Variants in TMEM255A observed in about 807,000 individuals in gnomAD.
The protein encoded by TMEM255A is transmembrane protein 255A.
TMEM255A carries 14 observed loss-of-function variants against 23.5 expected under a neutral mutation model. That is an observed-to-expected ratio of 0.60 (90% CI 0.39 to 0.93). TMEM255A has a LOEUF of 0.93. Ranked by LOEUF, TMEM255A falls within the 40% of genes least tolerant of loss-of-function variation. The pLI, the probability that TMEM255A is intolerant of heterozygous loss-of-function variation, is 0.00. For synonymous variants in TMEM255A, 104 were observed against 100.3 expected (o/e 1.04, Z -0.22); for missense variants, 233 against 261.7 (o/e 0.89, Z 0.76).
chrX:120,306,226 G>A (rs1556027043), intron 1 of TMEM255A, among the ~76,000 whole-genome samples: 1 of 111,021 alleles, frequency 9.0e-6, no homozygotes. Context: ...ATGCAAATGG[G>A]AGCTGACTAA....
At chrX:120,305,429 C>CAA (rs111534543) in intron 1 of TMEM255A, among the ~76,000 whole-genome samples, 6,893 of 89,367 alleles carry the variant, frequency 0.077, 241 homozygotes, top group East Asian at 0.14. Context: ...TAGGAGTTCT[C>CAA]AAAAAAAAAA....
chrX:120,302,130 C>G (rs1259436488), intron 2 of TMEM255A, among the ~76,000 whole-genome samples: 1 of 111,237 alleles, frequency 9.0e-6, no homozygotes, highest in Non-Finnish European at 1.9e-5. Flanking sequence ...ACCACTCACA[C>G]GCAAACACAC....
At chrX:120,298,731 C>A (rs1302344318) in intron 2 of TMEM255A, among the ~76,000 whole-genome samples, 1 of 111,357 alleles carries the variant, frequency 9.0e-6, no homozygotes, top group African/African-American at 3.3e-5. Context: ...CCAACAGATG[C>A]CACAAAGCAG....
At chrX:120,279,998 C>CTTTT (rs59428362) in intron 6 of TMEM255A, among the ~76,000 whole-genome samples, 281 of 38,154 alleles carry the variant, frequency 7.4e-3, no homozygotes, top group African/African-American at 0.011. Flanking sequence ...CCTTTTCTTT[C>CTTTT]TTTTTTTTTT....
downstream of TMEM255A, chrX:120,254,281 C>G (rs144035505): frequency 5.0e-6 from 6 of 1,210,427 alleles, no homozygotes; most frequent in Non-Finnish European, 6.7e-6. Flanking sequence ...ACACCACTTT[C>G]TACACCACCA....
In TMEM255A at chrX:120,259,262, AATC is replaced by A. The variant is rs2057659258; in HGVS notation, c.*1605_*1607del. On this transcript the variant is annotated 3_prime_UTR_variant, in exon 9 of 9. Transcript: ENST00000371369. Reference sequence around the variant, plus strand: ...TTTTAATATGCTCAGAACTGTAAAAAATCATAGTAATTTTGTATAACATAAAAG... The same window carrying A: ...TTTTAATATGCTCAGAACTGTAAAAAATAGTAATTTTGTATAACATAAAAG... 8.8e-6 allele frequency: 1 copy of A among 113,014 alleles called. No individual in the cohort carries two copies. The highest frequency in any genetic ancestry group is 3.6e-4 in the South Asian group (1 of 2,762). The allele number at this position is 113,014 out of a possible 1,213,427, so 9.3% of individuals were successfully genotyped here. A position where few individuals can be genotyped will look rare whatever the true frequency, so the allele number is the denominator to read the frequency against.
At chrX:120,253,408 T>G in the TMEM255A span, 4 of 1,198,142 alleles carry the variant, frequency 3.3e-6, no homozygotes, top group Admixed American at 4.4e-5. Context: ...TCTCTTTCTC[T>G]TAAAGGCATG....
the TMEM255A span, chrX:120,253,459 C>G: frequency 1.7e-6 from 2 of 1,211,944 alleles, no homozygotes; most frequent in Non-Finnish European, 2.2e-6. Context: ...ATTCAGTACT[C>G]TGGCAGTCTG....
intron 6 of TMEM255A, among the ~76,000 whole-genome samples, chrX:120,281,851 A>G (rs900537635): frequency 8.9e-6 from 1 of 112,149 alleles, no homozygotes; most frequent in Admixed American, 9.4e-5. Flanking sequence ...GCTGTGTCCT[A>G]GAGAAAGCCA....
At position 120,286,915 on chromosome X, in the gene TMEM255A, G is replaced by A. The variant is rs1026194019; in HGVS notation, c.423+239C>T. 2.7e-5 allele frequency among the ~76,000 whole-genome samples: 3 copies of A among 111,297 alleles called. No homozygotes were observed. In the South Asian group the frequency reaches 1.2e-3, roughly 43 times the overall value. On this transcript the variant is annotated intron_variant, in intron 5 of 8. Coordinates refer to ENST00000371369, the MANE Select transcript of TMEM255A (RefSeq NM_001104544.3). Reference sequence around the variant, plus strand: ...CAAAGCCACATATGGGGAGGCTCCCGGCTGGGGTCAGAGGGTCAGCCTGTG... The same window carrying A: ...CAAAGCCACATATGGGGAGGCTCCCAGCTGGGGTCAGAGGGTCAGCCTGTG...
Position 120,260,179 on chromosome X carries a change from T to C in TMEM255A, c.*691A>G. 2 of 747,601 alleles carry C rather than the reference T, an allele frequency of 2.7e-6. No individual in the cohort carries two copies. The highest frequency in any genetic ancestry group is 3.2e-6 in the Non-Finnish European group (2 of 632,819). The allele number at this position is 747,601 out of a possible 1,213,427, so 61.6% of individuals were successfully genotyped here. On this transcript the variant is annotated 3_prime_UTR_variant, in exon 9 of 9. Transcript: ENST00000371369. Reference sequence around the variant, plus strand: ...AAACATCTCACATGTTGCTGTGTATTTCAGTGTTTCCGGAACAATACATCC... The same window carrying C: ...AAACATCTCACATGTTGCTGTGTATCTCAGTGTTTCCGGAACAATACATCC...
chrX:120,285,708 A>C, intron 5 of TMEM255A: 12 of 1,210,583 alleles, frequency 9.9e-6, no homozygotes, highest in Non-Finnish European at 1.3e-5. Flanking sequence ...TTATGTAGGA[A>C]AAATAGGGTT....
downstream of TMEM255A, chrX:120,258,602 G>A (rs1244862209): frequency 2.7e-5 from 3 of 112,160 alleles, no homozygotes; most frequent in African/African-American, 9.7e-5. Context: ...GCTGTCAGTT[G>A]CTTTAGAGCG....
intron 5 of TMEM255A, chrX:120,285,575 G>T (rs2057868254): frequency 8.3e-7 from 1 of 1,201,331 alleles, no homozygotes; most frequent in South Asian, 1.8e-5. Flanking sequence ...AAGATAAGGT[G>T]GGAAGGAAGA....
intron 8 of TMEM255A, among the ~76,000 whole-genome samples, chrX:120,263,120 C>A (rs192816344): frequency 1.2e-3 from 134 of 111,650 alleles, no homozygotes; most frequent in Middle Eastern, 4.6e-3. Context: ...AGTCCACACA[C>A]CCTTGGGGTT....
chrX:120,286,954 G>A (rs1389474031), intron 5 of TMEM255A, among the ~76,000 whole-genome samples, 200 bp downstream of exon 5: 2 of 111,828 alleles, frequency 1.8e-5, no homozygotes, highest in Non-Finnish European at 3.8e-5. Flanking sequence ...ACAGAACAAA[G>A]TAAAACTGAT....
intron 6 of TMEM255A, among the ~76,000 whole-genome samples, chrX:120,284,652 C>G (rs782454761): frequency 9.0e-6 from 1 of 111,404 alleles, no homozygotes; most frequent in East Asian, 2.8e-4. Context: ...TGTTGACTGT[C>G]TCCCCTACTA....
chrX:120,271,519 T>C (rs1196961797), intron 7 of TMEM255A, among the ~76,000 whole-genome samples: 2 of 111,752 alleles, frequency 1.8e-5, no homozygotes, highest in Non-Finnish European at 3.8e-5. Flanking sequence ...CATTTTTTCC[T>C]CAGGAGATCA....
chrX:120,307,546 C>T (rs12558073), intron 1 of TMEM255A, among the ~76,000 whole-genome samples: 7,992 of 112,124 alleles, frequency 0.071, 269 homozygotes, highest in East Asian at 0.14. Context: ...ACAATCGGTA[C>T]TTGTTGAATA....
Sources: allele counts gnomAD v4.1 joint callset (sites outside exome capture counted in the v4.1 genomes callset), GRCh38; gene constraint gnomAD v4.1.1; transcripts MANE v1.5; gene names NCBI Gene and HGNC (gene_info 2026-07-23, HGNC 2026-07-21).